Variants in HLA-DRB5 observed in about 807,000 individuals in gnomAD.
HLA-DRB5 encodes the protein DR beta-5.
Under a neutral mutation model 22.4 loss-of-function variants are expected in HLA-DRB5, and 11 were observed. The observed-to-expected ratio is 0.49, with a 90% CI of 0.31 to 0.81. HLA-DRB5 has a LOEUF of 0.81. HLA-DRB5 is among the 40% of genes least tolerant of loss of function. The pLI is 0.05. For synonymous variants in HLA-DRB5, 57 were observed against 106.0 expected (o/e 0.54, Z 2.84); for missense variants, 106 against 274.4 (o/e 0.39, Z 4.34).
At chr6:32,529,197 C>T (rs181619944) in intron 1 of HLA-DRB5, among the ~76,000 whole-genome samples, 3,093 of 123,440 alleles carry the variant, frequency 0.025, no homozygotes, top group Middle Eastern at 0.034. Flanking sequence ...GAGATGTGAA[C>T]AATGTCCACA....
At chr6:32,519,727 C>T in intron 2 of HLA-DRB5, 76 bp from the exon 3 acceptor site, 5 of 576,206 alleles carry the variant, frequency 8.7e-6, no homozygotes, top group South Asian at 2.5e-5. Context: ...TTGTCTGCTT[C>T]TCTGTAAACC....
Position 32,524,711 on chromosome 6 carries a change from C to T in HLA-DRB5, c.101-2537G>A, listed in dbSNP as rs77963273. 7.5e-4 allele frequency among the ~76,000 whole-genome samples: 75 copies of T among 100,100 alleles called. 2 individuals are homozygous for T. The highest frequency in any genetic ancestry group is 1.2e-3 in the Non-Finnish European group (61 of 49,742). The allele number at this position is 100,100 out of a possible 152,430, so 65.7% of individuals were successfully genotyped here. The stretch of plus-strand genomic sequence containing the variant: ...ATTATGTAAGCACTTTCTTTACAGA[C>T]AGAATGTTAAAAAATAAACATTTGT... On this transcript the variant is annotated intron_variant, in intron 1 of 5. Coordinates refer to ENST00000374975, the MANE Select transcript of HLA-DRB5 (RefSeq NM_002125.4).
intron 1 of HLA-DRB5, among the ~76,000 whole-genome samples, chr6:32,528,115 C>T (rs796897562): frequency 0.01 from 561 of 53,636 alleles, no homozygotes; most frequent in East Asian, 0.014. Context: ...GAACTTTCGT[C>T]CCTTAGATCT....
chr6:32,525,864 A>G, intron 1 of HLA-DRB5, among the ~76,000 whole-genome samples: 1 of 109,258 alleles, frequency 9.2e-6, no homozygotes, highest in Non-Finnish European at 1.9e-5. Flanking sequence ...GACCTAGAGT[A>G]GTAACTGGTA....
rs199616712 is a variant in HLA-DRB5 at position 32,529,659 on chromosome 6, C to T, written c.100+466G>A. Among the ~76,000 whole-genome samples, 57 of 127,754 alleles carry T rather than the reference C, an allele frequency of 4.5e-4. 6 individuals are homozygous for T. In the East Asian group the frequency reaches 6.7e-3, roughly 15 times the overall value. The allele number at this position is 127,754 out of a possible 152,430, so 83.8% of individuals were successfully genotyped here. ...GGGGAGGCCACTGGGTCCATTCTCACATATGAGGAAGAGGAGCCAATATCA... is the reference window on the plus strand; with the variant it reads ...GGGGAGGCCACTGGGTCCATTCTCATATATGAGGAAGAGGAGCCAATATCA... On this transcript the variant is annotated intron_variant, in intron 1 of 5. Coordinates refer to ENST00000374975, the MANE Select transcript of HLA-DRB5 (RefSeq NM_002125.4).
At chr6:32,529,925 G>C (rs1487469367) in intron 1 of HLA-DRB5, among the ~76,000 whole-genome samples, 200 bp downstream of exon 1, 1 of 106,774 alleles carries the variant, frequency 9.4e-6, no homozygotes, top group Non-Finnish European at 2.0e-5. Context: ...CTGTATGGAG[G>C]CCCCTTACAC....
intron 1 of HLA-DRB5, among the ~76,000 whole-genome samples, chr6:32,529,797 A>G (rs202218044): frequency 0.1 from 11,461 of 110,314 alleles, no homozygotes; most frequent in East Asian, 0.18. Flanking sequence ...AGGTCAACAT[A>G]ATAAAGGGAA....
At chr6:32,519,104 GA>G (rs1316849652) in intron 3 of HLA-DRB5, among the ~76,000 whole-genome samples, 1,908 of 119,008 alleles carry the variant, frequency 0.016, 7 homozygotes, top group East Asian at 0.076. Flanking sequence ...GGAGCCCTGG[GA>G]GAGGGGGTGA....
At chr6:32,529,054 C>G (rs114646193) in intron 1 of HLA-DRB5, among the ~76,000 whole-genome samples, 20,569 of 137,026 alleles carry the variant, frequency 0.15, 4 homozygotes, top group East Asian at 0.19. Context: ...TAGAGAGAAA[C>G]TGGAGGAAGA....
At chr6:32,522,355 T>G (rs372591108) in intron 1 of HLA-DRB5, among the ~76,000 whole-genome samples, 181 bp from the exon 2 acceptor site, 4,427 of 28,596 alleles carry the variant, frequency 0.15, 1,925 homozygotes, top group East Asian at 0.49. Context: ...GCGAACGGGG[T>G]GTCTGGGGGA....
rs563573207 is a variant in HLA-DRB5 at position 32,519,224 on chromosome 6, G to A, written c.652+146C>T. 3.9e-3 allele frequency: 1,205 copies of A among 308,142 alleles called. 29 individuals carry two copies. Among genetic ancestry groups the A allele is most frequent in the South Asian group, 0.018 (414 of 22,588 alleles). 19.1% of individuals were successfully genotyped at this position (308,142 alleles called of 1,614,324 possible). A position where few individuals can be genotyped will look rare whatever the true frequency, so the allele number is the denominator to read the frequency against. On this transcript the variant is annotated intron_variant, in intron 3 of 5. Transcript: ENST00000374975. ...CAGGTGTTTCTAGAAACTATACAGG[G>A]CTACCCCCAGTGACCTGTGCTAATG...
chr6:32,526,245 A>C (rs112969717), intron 1 of HLA-DRB5, among the ~76,000 whole-genome samples: 11,298 of 29,634 alleles, frequency 0.38, 3,821 homozygotes, highest in Middle Eastern at 0.67. Flanking sequence ...TTCTCACTTC[A>C]CCCTCCTCTT....
intron 2 of HLA-DRB5, among the ~76,000 whole-genome samples, chr6:32,521,655 A>C (rs115030899): frequency 0.25 from 4,603 of 18,458 alleles, 1,047 homozygotes; most frequent in Middle Eastern, 0.38. Flanking sequence ...GGATAAGAAG[A>C]AGCCCCCTCC....
chr6:32,529,214 C>T (rs879372634), intron 1 of HLA-DRB5, among the ~76,000 whole-genome samples: 4,423 of 123,246 alleles, frequency 0.036, 2 homozygotes, highest in African/African-American at 0.073. Context: ...CACATTCTCT[C>T]TGTAACCCCA....
At chr6:32,526,415 C>G in intron 1 of HLA-DRB5, among the ~76,000 whole-genome samples, 1 of 36,378 alleles carries the variant, frequency 2.7e-5, no homozygotes, top group Non-Finnish European at 5.7e-5. Flanking sequence ...TTTCTCCAGA[C>G]AATCTCCCTA....
At chr6:32,525,289 A>ATAGCT (rs1184040563) in intron 1 of HLA-DRB5, among the ~76,000 whole-genome samples, 2 of 30,998 alleles carry the variant, frequency 6.5e-5, no homozygotes, top group East Asian at 8.2e-4. Flanking sequence ...GCATTTTATA[A>ATAGCT]TAATCCTCAC....
intron 1 of HLA-DRB5, among the ~76,000 whole-genome samples, chr6:32,522,885 A>C (rs1323673899): frequency 0.021 from 645 of 30,374 alleles, 73 homozygotes; most frequent in East Asian, 0.026. Context: ...CGGAGTGGAG[A>C]CTCTGTGTCT....
chr6:32,518,888 C>T (rs187058069), intron 3 of HLA-DRB5, among the ~76,000 whole-genome samples: 250 of 37,496 alleles, frequency 6.7e-3, no homozygotes, highest in East Asian at 9.4e-3. Context: ...ATGTAAGGCA[C>T]GGCTTCAACA....
intron 2 of HLA-DRB5, among the ~76,000 whole-genome samples, chr6:32,521,208 A>G (rs1466547443): frequency 0.041 from 1,635 of 39,970 alleles, 7 homozygotes; most frequent in East Asian, 0.048. Flanking sequence ...GCATTATAAT[A>G]AAATAGTAAC....
Sources: allele counts gnomAD v4.1 joint callset (sites outside exome capture counted in the v4.1 genomes callset), GRCh38; gene constraint gnomAD v4.1.1; transcripts MANE v1.5; gene names NCBI Gene and HGNC (gene_info 2026-07-23, HGNC 2026-07-21).